The following MAML3 variants were observed in gnomAD, a reference collection of about 807,000 sequenced individuals.
MAML3 encodes the protein mastermind-like protein 3.
In MAML3, 27 loss-of-function variants were observed where a neutral mutation model predicts 101.9. The ratio of observed to expected loss-of-function variants is 0.27; its 90% confidence interval spans 0.20 to 0.37. MAML3 has a LOEUF of 0.37. Among genes scored for constraint, MAML3 ranks in the 10% least tolerant of loss-of-function variants. The pLI is 1.00. For synonymous variants in MAML3, 501 were observed against 555.9 expected (o/e 0.90, Z 1.39); for missense variants, 1,316 against 1,444.9 (o/e 0.91, Z 1.45).
At chr4:140,035,754 G>T (rs1726975523) in intron 1 of MAML3, among the ~76,000 whole-genome samples, 1 of 150,256 alleles carries the variant, frequency 6.7e-6, no homozygotes, top group African/African-American at 2.5e-5. Flanking sequence ...CTGCACTCCA[G>T]CCTGGGCAAC....
intron 1 of MAML3, among the ~76,000 whole-genome samples, chr4:140,033,057 A>T (rs11941109): frequency 0.1 from 15,286 of 152,216 alleles, 854 homozygotes; most frequent in Non-Finnish European, 0.13. Context: ...TGTTCAGAGC[A>T]TGAGTCTGTT....
At chr4:140,014,391 C>T (rs1249451806) in intron 1 of MAML3, among the ~76,000 whole-genome samples, 1 of 152,166 alleles carries the variant, frequency 6.6e-6, no homozygotes, top group Non-Finnish European at 1.5e-5. Context: ...AGATTAGTTA[C>T]ATGTTTATTA....
intron 2 of MAML3, among the ~76,000 whole-genome samples, chr4:139,801,856 T>C (rs1730616250): frequency 6.6e-6 from 1 of 151,998 alleles, no homozygotes; most frequent in Non-Finnish European, 1.5e-5. Flanking sequence ...TTGTGAAGAG[T>C]TAATTCCTAA....
chr4:139,988,019 T>C (rs1578630556), intron 1 of MAML3, among the ~76,000 whole-genome samples: 4 of 14,988 alleles, frequency 2.7e-4, no homozygotes, highest in African/African-American at 5.5e-4. Context: ...AAACTCCGTC[T>C]CAAAAAAAAA....
intron 2 of MAML3, among the ~76,000 whole-genome samples, chr4:139,794,651 C>A (rs1354501367): frequency 1.3e-5 from 2 of 152,212 alleles, no homozygotes; most frequent in Admixed American, 1.3e-4. Context: ...AGCTCTTGTC[C>A]AGTTTTCAAA....
chr4:139,979,057 C>T (rs531942248), intron 1 of MAML3, among the ~76,000 whole-genome samples: 1 of 152,266 alleles, frequency 6.6e-6, no homozygotes, highest in African/African-American at 2.4e-5. Flanking sequence ...TCAGCCACTA[C>T]TTATGAAGCA....
chr4:139,793,724 T>C (rs925746027), intron 2 of MAML3, among the ~76,000 whole-genome samples: 1 of 152,216 alleles, frequency 6.6e-6, no homozygotes, highest in Non-Finnish European at 1.5e-5. Flanking sequence ...TTACACACTA[T>C]CTGAGTCCAG....
At chr4:140,132,937 C>G (rs768721710) in intron 1 of MAML3, 1 of 265,896 alleles carries the variant, frequency 3.8e-6, no homozygotes, top group Non-Finnish European at 7.7e-6. Context: ...TTATTCTGAA[C>G]AAATTGGTCA....
intron 1 of MAML3, among the ~76,000 whole-genome samples, chr4:140,085,348 T>C (rs1330658424): frequency 6.6e-6 from 1 of 152,178 alleles, no homozygotes; most frequent in African/African-American, 2.4e-5. Flanking sequence ...CACCCTAGTT[T>C]GGATCTGTTT....
intron 2 of MAML3, 82 bp downstream of exon 2, chr4:139,889,275 G>A: frequency 6.2e-7 from 1 of 1,611,184 alleles, no homozygotes; most frequent in South Asian, 1.1e-5. Flanking sequence ...CCACTACAGT[G>A]GAAGCTTGTA....
At chr4:140,110,842 A>G (rs1195396745) in intron 1 of MAML3, among the ~76,000 whole-genome samples, 1 of 152,234 alleles carries the variant, frequency 6.6e-6, no homozygotes, top group Non-Finnish European at 1.5e-5. Flanking sequence ...ATAAAGTTAC[A>G]TGAAGTGGTA....
chr4:139,989,118 C>T (rs2110823367), intron 1 of MAML3, among the ~76,000 whole-genome samples: 1 of 152,296 alleles, frequency 6.6e-6, no homozygotes, highest in African/African-American at 2.4e-5. Flanking sequence ...ATCGAGAGCA[C>T]ACTCCAGAGA....
Position 140,154,030 on chromosome 4 carries a change from G to A in MAML3, c.-703C>T, listed in dbSNP as rs72714251. 7,749 of 155,582 alleles carry A rather than the reference G, an allele frequency of 0.05. 280 individuals carry two copies. The highest frequency in any genetic ancestry group is 0.077 in the Non-Finnish European group (5,330 of 69,102). 9.6% of individuals were successfully genotyped at this position (155,582 alleles called of 1,614,324 possible). A position where few individuals can be genotyped will look rare whatever the true frequency, so the allele number is the denominator to read the frequency against. ...GGTGAAGTCCTTTGCAAAACGCCGCGCAGAGAGCAGCACCTAACGCTCGGC... is the reference window on the plus strand; with the variant it reads ...GGTGAAGTCCTTTGCAAAACGCCGCACAGAGAGCAGCACCTAACGCTCGGC... On this transcript the variant is annotated 5_prime_UTR_variant, in exon 1 of 5. Coordinates refer to ENST00000509479, the MANE Select transcript of MAML3 (RefSeq NM_018717.5).
At chr4:139,794,600 C>T (rs928342623) in intron 2 of MAML3, among the ~76,000 whole-genome samples, 2 of 152,230 alleles carry the variant, frequency 1.3e-5, no homozygotes, top group Non-Finnish European at 2.9e-5. Flanking sequence ...CTATGACTTA[C>T]TGAGGCAGCC....
chr4:139,744,588 A>C (rs1306831633), intron 2 of MAML3, among the ~76,000 whole-genome samples: 2 of 152,284 alleles, frequency 1.3e-5, no homozygotes, highest in South Asian at 4.1e-4. Context: ...TTTCAATTTG[A>C]ATATGCATCC....
chr4:139,949,128 G>A (rs904486818), intron 1 of MAML3, among the ~76,000 whole-genome samples: 8 of 152,042 alleles, frequency 5.3e-5, no homozygotes, highest in African/African-American at 1.7e-4. Flanking sequence ...AAATTCCCCT[G>A]CCTCAGCCTC....
At chr4:139,761,385 GGA>G (rs1729757099) in intron 2 of MAML3, among the ~76,000 whole-genome samples, 3 of 142,454 alleles carry the variant, frequency 2.1e-5, no homozygotes, top group Non-Finnish European at 4.8e-5. Flanking sequence ...AAGAGAGTCT[GGA>G]GGGGGCGTTA....
intron 1 of MAML3, among the ~76,000 whole-genome samples, chr4:139,925,039 T>C (rs1733193313): frequency 6.6e-6 from 1 of 152,040 alleles, no homozygotes; most frequent in South Asian, 2.1e-4. Context: ...CAGCAAAACA[T>C]GATTTCAGCT....
chr4:139,974,541 T>C (rs1236282018), intron 1 of MAML3, among the ~76,000 whole-genome samples: 2 of 152,182 alleles, frequency 1.3e-5, no homozygotes, highest in Admixed American at 6.5e-5. Flanking sequence ...GTGTACACAT[T>C]AAACAGCTAG....
Sources: allele counts gnomAD v4.1 joint callset (sites outside exome capture counted in the v4.1 genomes callset), GRCh38; gene constraint gnomAD v4.1.1; transcripts MANE v1.5; gene names NCBI Gene and HGNC (gene_info 2026-07-23, HGNC 2026-07-21).